The following TSHZ3 variants were observed in gnomAD, a reference collection of about 807,000 sequenced individuals.
TSHZ3 encodes teashirt homolog 3.
A neutral mutation model predicts 64.5 loss-of-function variants in TSHZ3; 10 were observed. The observed-to-expected ratio is 0.16, with a 90% CI of 0.10 to 0.26. The LOEUF (loss-of-function observed/expected upper bound fraction) is 0.26. TSHZ3 is among the 10% of genes least tolerant of loss of function. The probability of loss-of-function intolerance (pLI) is 1.00; values close to 1 mark genes in which losing one functional copy is unlikely to be tolerated. For missense variants in TSHZ3, 1,242 were observed against 1,421.7 expected, an observed-to-expected ratio of 0.87 and a Z score of 2.03; for synonymous variants, 608 against 593.1, an observed-to-expected ratio of 1.03 and a Z score of -0.36.
chr19:31,279,157 G>A lies in TSHZ3; in HGVS notation c.636C>T (p.Ser212=), dbSNP rs1373837294. 1 of 1,612,984 alleles carries A rather than the reference G, an allele frequency of 6.2e-7. No homozygotes were observed. Among genetic ancestry groups the A allele is most frequent in the East Asian group, 2.2e-5 (1 of 44,840 alleles). The change falls in exon 2 of 2, where the codon AGC becomes AGT. Residue 212 remains serine, a synonymous_variant. Transcript: ENST00000240587. The surrounding 1 kb of genome is among the most constrained non-coding windows in gnomAD (Gnocchi z 6.4). ...CGCTGCAGTCCTTACAGCGGAACTTGCTGGCCCCCGTGAAGATGGAGCCAT... is the reference window on the plus strand; with the variant it reads ...CGCTGCAGTCCTTACAGCGGAACTTACTGGCCCCCGTGAAGATGGAGCCAT... The part of the protein sequence containing the change: ...KLYGSIFTGA[S]KFRCKDCSAA...
intron 5 of TSHZ3, among the ~76,000 whole-genome samples, chr19:31,158,821 G>A (rs752842431): frequency 2.0e-4 from 30 of 152,048 alleles, no homozygotes; most frequent in Non-Finnish European, 4.4e-4. Flanking sequence ...TCCCTCACAT[G>A]CTCAGTTCAC....
chr19:31,339,044 C>T (rs967579946), intron 1 of TSHZ3, among the ~76,000 whole-genome samples: 1 of 151,990 alleles, frequency 6.6e-6, no homozygotes, highest in Non-Finnish European at 1.5e-5. Context: ...ACCCGAAGCC[C>T]GGCATCCACC....
At chr19:31,308,589 G>A (rs1916364092) in intron 1 of TSHZ3, 1 of 398,482 alleles carries the variant, frequency 2.5e-6, no homozygotes, top group Non-Finnish European at 4.4e-6. Flanking sequence ...GAGCTCTGGG[G>A]TTTGCTTCCT....
chr19:31,344,012 CAAAG>C (rs1917512218), intron 1 of TSHZ3, among the ~76,000 whole-genome samples: 1 of 152,104 alleles, frequency 6.6e-6, no homozygotes, highest in African/African-American at 2.4e-5. Flanking sequence ...ATGCATGTGT[CAAAG>C]AATTTAAAAA....
chr19:31,269,697 A>C (rs1976106939), intron 1 of TSHZ3, among the ~76,000 whole-genome samples: 1 of 152,232 alleles, frequency 6.6e-6, no homozygotes, highest in African/African-American at 2.4e-5. Flanking sequence ...CTGTGGAAGA[A>C]AAAAATGAAA....
intron 4 of TSHZ3, among the ~76,000 whole-genome samples, chr19:31,212,887 T>C (rs1162292040): frequency 1.3e-5 from 2 of 152,036 alleles, no homozygotes; most frequent in East Asian, 3.9e-4. Context: ...TAAAATGTGG[T>C]ACACCCAGAC....
intron 3 of TSHZ3, among the ~76,000 whole-genome samples, chr19:31,239,600 T>A (rs1975663253): frequency 6.6e-6 from 1 of 152,166 alleles, no homozygotes; most frequent in Admixed American, 6.5e-5. Flanking sequence ...ATTCTTATTT[T>A]TTGGAGACAG....
intron 5 of TSHZ3, among the ~76,000 whole-genome samples, chr19:31,193,458 G>T (rs765618711): frequency 6.6e-6 from 1 of 152,146 alleles, no homozygotes; most frequent in Non-Finnish European, 1.5e-5. Context: ...GAATGCCACA[G>T]CCAGTAGCAC....
intron 5 of TSHZ3, among the ~76,000 whole-genome samples, chr19:31,172,025 C>T (rs184523293): frequency 1.3e-5 from 2 of 152,172 alleles, no homozygotes; most frequent in African/African-American, 4.8e-5. Context: ...TGGGGGGATA[C>T]TGGTCCTTCA....
At chr19:31,322,540 C>T (rs141504850) in intron 1 of TSHZ3, among the ~76,000 whole-genome samples, 1 of 152,280 alleles carries the variant, frequency 6.6e-6, no homozygotes, top group African/African-American at 2.4e-5. Flanking sequence ...CCCATCTCAG[C>T]CTCCCAAGTA....
intron 3 of TSHZ3, among the ~76,000 whole-genome samples, chr19:31,235,161 C>A (rs1041698740): frequency 6.6e-6 from 1 of 152,104 alleles, no homozygotes; most frequent in Non-Finnish European, 1.5e-5. Context: ...ATTAACATAC[C>A]CTTCACCTCG....
At chr19:31,221,937 C>G (rs2145168422) in intron 4 of TSHZ3, among the ~76,000 whole-genome samples, 1 of 152,264 alleles carries the variant, frequency 6.6e-6, no homozygotes, top group South Asian at 2.1e-4. Context: ...TTGCAACCAG[C>G]CTCTCTTCAG....
intron 3 of TSHZ3, among the ~76,000 whole-genome samples, chr19:31,240,171 G>A (rs1243620201): frequency 1.3e-5 from 2 of 151,950 alleles, no homozygotes; most frequent in African/African-American, 4.8e-5. Context: ...CAAATTTCAG[G>A]TATGTAAAAG....
chr19:31,314,398 C>T (rs953212923), intron 1 of TSHZ3, among the ~76,000 whole-genome samples: 2 of 152,200 alleles, frequency 1.3e-5, no homozygotes, highest in Admixed American at 6.5e-5. Context: ...CGTGTCTCAC[C>T]TGCACGGTGG....
intron 5 of TSHZ3, among the ~76,000 whole-genome samples, chr19:31,172,458 C>G (rs559354491): frequency 6.6e-6 from 1 of 152,186 alleles, no homozygotes; most frequent in Non-Finnish European, 1.5e-5. Flanking sequence ...AGCTTTCACA[C>G]AAGTCTGAAA....
At chr19:31,304,833 T>C (rs1482095020) in intron 1 of TSHZ3, among the ~76,000 whole-genome samples, 3 of 152,254 alleles carry the variant, frequency 2.0e-5, no homozygotes, top group African/African-American at 7.2e-5. Context: ...AAAGTGCTGA[T>C]ATTTTATGCA....
intron 1 of TSHZ3, among the ~76,000 whole-genome samples, chr19:31,309,298 G>A (rs1916387892): frequency 6.6e-6 from 1 of 152,204 alleles, no homozygotes; most frequent in South Asian, 2.1e-4. Context: ...ACAGAAGGAT[G>A]AAAGAGAGAG....
chr19:31,291,596 G>A (rs889299294), intron 1 of TSHZ3, among the ~76,000 whole-genome samples: 4 of 152,194 alleles, frequency 2.6e-5, no homozygotes, highest in Admixed American at 1.3e-4. Flanking sequence ...GTATCAAGGA[G>A]GCATTCACAG....
chr19:31,244,606 A>T (rs1449490752), intron 1 of TSHZ3, among the ~76,000 whole-genome samples: 1 of 152,236 alleles, frequency 6.6e-6, no homozygotes, highest in Non-Finnish European at 1.5e-5. Context: ...ATTGTGATTT[A>T]TCCACATAAT....
Sources: allele counts gnomAD v4.1 joint callset (sites outside exome capture counted in the v4.1 genomes callset), GRCh38; gene constraint gnomAD v4.1.1; non-coding constraint Gnocchi (gnomAD v3.1); transcripts MANE v1.5; gene names NCBI Gene and HGNC (gene_info 2026-07-23, HGNC 2026-07-21).